PPM1L: variants seen among roughly 807,000 people sequenced by gnomAD.
The protein encoded by PPM1L is protein phosphatase, Mg2+/Mn2+ dependent 1L.
Under a neutral mutation model 31.4 loss-of-function variants are expected in PPM1L, and 13 were observed. The observed-to-expected ratio is 0.41, with a 90% CI of 0.27 to 0.66. PPM1L has a LOEUF of 0.66. Ranked by LOEUF, PPM1L falls within the 30% of genes least tolerant of loss-of-function variation. PPM1L has a pLI of 0.29. For missense variants in PPM1L, 326 were observed against 453.7 expected (o/e 0.72, Z 2.56); for synonymous variants, 184 against 175.4 (o/e 1.05, Z -0.39).
At chr3:160,795,795 C>G (rs890402915) in intron 1 of PPM1L, among the ~76,000 whole-genome samples, 1 of 151,958 alleles carries the variant, frequency 6.6e-6, no homozygotes, top group Non-Finnish European at 1.5e-5. Flanking sequence ...TCTTGTTTAC[C>G]TTTTCACTTT....
chr3:160,815,765 A>G (rs180826444), intron 1 of PPM1L, among the ~76,000 whole-genome samples: 2 of 152,316 alleles, frequency 1.3e-5, no homozygotes, highest in East Asian at 3.9e-4. Context: ...GGAAGGGTGA[A>G]GAACATAAAG....
At chr3:161,022,700 G>T (rs1378501578) in intron 2 of PPM1L, among the ~76,000 whole-genome samples, 1 of 110,922 alleles carries the variant, frequency 9.0e-6, no homozygotes, top group Non-Finnish European at 1.7e-5. Flanking sequence ...GTCTCGCTCT[G>T]TCACCCAGGC....
intron 1 of PPM1L, among the ~76,000 whole-genome samples, chr3:160,778,948 T>G (rs1711653018): frequency 2.0e-5 from 3 of 152,222 alleles, no homozygotes; most frequent in Non-Finnish European, 2.9e-5. Flanking sequence ...TTTTTTACCT[T>G]TTTGTGCATA....
chr3:160,809,673 T>C (rs1476801741), intron 1 of PPM1L, among the ~76,000 whole-genome samples: 1 of 152,172 alleles, frequency 6.6e-6, no homozygotes, highest in Admixed American at 6.5e-5. Context: ...ATAGCACTTG[T>C]GTCCTTGCTT....
chr3:161,045,487 A>G (rs1719032465), intron 2 of PPM1L, among the ~76,000 whole-genome samples: 1 of 152,244 alleles, frequency 6.6e-6, no homozygotes, highest in Non-Finnish European at 1.5e-5. Context: ...CCGTTCAACT[A>G]CATGGAAACT....
intron 2 of PPM1L, among the ~76,000 whole-genome samples, chr3:161,042,997 C>A (rs541826371): frequency 6.7e-6 from 1 of 149,414 alleles, no homozygotes; most frequent in Non-Finnish European, 1.5e-5. Flanking sequence ...TCCAGCCTGG[C>A]CAACAGAGTA....
At chr3:161,024,844 A>G (rs1204118109) in intron 2 of PPM1L, among the ~76,000 whole-genome samples, 2 of 152,158 alleles carry the variant, frequency 1.3e-5, no homozygotes, top group African/African-American at 4.8e-5. Context: ...TTAGGCTGCT[A>G]ATTTTCACAA....
At chr3:160,974,154 G>T (rs933152696) in intron 2 of PPM1L, among the ~76,000 whole-genome samples, 1 of 150,978 alleles carries the variant, frequency 6.6e-6, no homozygotes, top group African/African-American at 2.4e-5. Flanking sequence ...AGTTTACTGA[G>T]AATGATGATT....
rs114393642 is a variant in PPM1L, at chr3:160,923,013, A to G, written c.400-38723A>G. 4.6e-3 allele frequency among the ~76,000 whole-genome samples: 697 copies of G among 152,334 alleles called. 3 individuals carry two copies. Among genetic ancestry groups the G allele is most frequent in the African/African-American group, 0.016 (666 of 41,578 alleles). On this transcript the variant is annotated intron_variant, in intron 1 of 3. Transcript: ENST00000498165. ...TTAATTTCCTCTTTTCTGGAGTGAA[A>G]CTAATGCCTATTCAGCTGGAGTTGC...
intron 1 of PPM1L, among the ~76,000 whole-genome samples, chr3:160,893,898 TC>T (rs1369816999): frequency 6.6e-6 from 1 of 152,168 alleles, no homozygotes; most frequent in Non-Finnish European, 1.5e-5. Context: ...TTTGATTTTT[TC>T]CTAGACTAGG....
At chr3:160,906,019 T>C (rs953122625) in intron 1 of PPM1L, among the ~76,000 whole-genome samples, 8 of 152,128 alleles carry the variant, frequency 5.3e-5, no homozygotes, top group African/African-American at 1.9e-4. Context: ...GAACAATTTC[T>C]AATTTTTACT....
intron 1 of PPM1L, among the ~76,000 whole-genome samples, chr3:160,862,703 C>G (rs1248079762): frequency 7.6e-6 from 1 of 131,464 alleles, no homozygotes; most frequent in African/African-American, 3.5e-5. Flanking sequence ...CACACACACA[C>G]AAAATTCTGA....
chr3:161,010,370 T>G (rs1017644429), intron 2 of PPM1L, among the ~76,000 whole-genome samples: 1 of 152,170 alleles, frequency 6.6e-6, no homozygotes, highest in African/African-American at 2.4e-5. Context: ...CATTTATGGC[T>G]GCATAGTATT....
At chr3:160,874,177 C>T (rs1282241346) in intron 1 of PPM1L, among the ~76,000 whole-genome samples, 1 of 152,018 alleles carries the variant, frequency 6.6e-6, no homozygotes, top group Non-Finnish European at 1.5e-5. Context: ...TTAGGTTCAG[C>T]CAATCACTAT....
intron 2 of PPM1L, among the ~76,000 whole-genome samples, chr3:161,062,078 A>G (rs1050570288): frequency 2.6e-5 from 4 of 152,034 alleles, no homozygotes; most frequent in Non-Finnish European, 5.9e-5. Context: ...CTTCTGGGAA[A>G]CACATAGGCT....
chr3:160,820,457 G>C (rs753008963), intron 1 of PPM1L, among the ~76,000 whole-genome samples: 9 of 152,018 alleles, frequency 5.9e-5, no homozygotes, highest in Non-Finnish European at 1.3e-4. Context: ...AAAAAGTTAA[G>C]TATATTAGTC....
At chr3:160,927,679 A>G (rs1473527462) in intron 1 of PPM1L, among the ~76,000 whole-genome samples, 1 of 152,156 alleles carries the variant, frequency 6.6e-6, no homozygotes, top group Admixed American at 6.5e-5. Flanking sequence ...AGTGGTTAAC[A>G]TGTCTATAAG....
chr3:160,762,397 G>A (rs867809298), intron 1 of PPM1L, among the ~76,000 whole-genome samples: 5 of 152,090 alleles, frequency 3.3e-5, no homozygotes, highest in African/African-American at 9.7e-5. Flanking sequence ...ACCTTGCTGC[G>A]TCTTCTGAAC....
chr3:160,941,840 TA>T, intron 1 of PPM1L, among the ~76,000 whole-genome samples: 1 of 152,334 alleles, frequency 6.6e-6, no homozygotes, highest in South Asian at 2.1e-4. Flanking sequence ...CTGTTTCTTT[TA>T]GCTCTATGTG....
Sources: allele counts gnomAD v4.1 joint callset (sites outside exome capture counted in the v4.1 genomes callset), GRCh38; gene constraint gnomAD v4.1.1; transcripts MANE v1.5; gene names NCBI Gene and HGNC (gene_info 2026-07-23, HGNC 2026-07-21).